The following PTPRD variants were observed in gnomAD, a reference collection of about 807,000 sequenced individuals.
The protein encoded by PTPRD is protein tyrosine phosphatase receptor type D, also known as receptor-type tyrosine-protein phosphatase delta.
In PTPRD, 34 loss-of-function variants were observed where a neutral mutation model predicts 214.5. The ratio of observed to expected loss-of-function variants is 0.16; its 90% CI spans 0.12 to 0.21. The LOEUF is 0.21. PTPRD is among the 10% of genes least tolerant of loss of function. The pLI is 1.00. For missense variants in PTPRD, 2,545 were observed against 2,398.7 expected (o/e 1.06, Z -1.27); for synonymous variants, 1,128 against 845.7 (o/e 1.33, Z -5.79).
At chr9:9,504,610 G>A (rs759679543) in intron 8 of PTPRD, among the ~76,000 whole-genome samples, 14 of 151,600 alleles carry the variant, frequency 9.2e-5, no homozygotes, top group Non-Finnish European at 1.3e-4. Context: ...AGATGCCTAC[G>A]CTCACCATTT....
intron 8 of PTPRD, among the ~76,000 whole-genome samples, chr9:9,406,876 C>T (rs909014332): frequency 6.7e-5 from 10 of 148,306 alleles, no homozygotes; most frequent in East Asian, 2.0e-4. Flanking sequence ...ATGTGTCTTC[C>T]GTAGAAAAGG....
intron 3 of PTPRD, among the ~76,000 whole-genome samples, chr9:10,185,460 T>G (rs2154313316): frequency 6.6e-6 from 1 of 152,294 alleles, no homozygotes; most frequent in East Asian, 1.9e-4. Context: ...TCTTTCCTCC[T>G]TTGTGGTAAA....
intron 3 of PTPRD, among the ~76,000 whole-genome samples, chr9:10,115,635 C>T (rs1053840904): frequency 8.3e-6 from 1 of 120,134 alleles, no homozygotes; most frequent in Non-Finnish European, 2.0e-5. Flanking sequence ...TTTGTTAAAA[C>T]TTTACAAGTT....
rs1370956859 is a variant in PTPRD, at chr9:9,691,498, G to T, written c.-287+43035C>A. Reference sequence around the variant, plus strand: ...TTTTATGGCTGAATAGTACTCCATTGTGTGGAAGTGCTATGTGTTCTTTAT... The same window carrying T: ...TTTTATGGCTGAATAGTACTCCATTTTGTGGAAGTGCTATGTGTTCTTTAT... On this transcript the variant is annotated intron_variant, in intron 7 of 45. Coordinates refer to ENST00000381196, the MANE Select transcript of PTPRD (RefSeq NM_002839.4). 3.3e-5 allele frequency among the ~76,000 whole-genome samples: 5 copies of T among 152,002 alleles called. No homozygotes were observed. The East Asian group carries it at 7.7e-4, about 23-fold the overall frequency.
chr9:9,653,348 CAAAAAAAAAAAAAAAAA>C (rs1175875551), intron 7 of PTPRD, among the ~76,000 whole-genome samples: 63 of 32,506 alleles, frequency 1.9e-3, no homozygotes, highest in African/African-American at 4.6e-3. Flanking sequence ...GACTCCGTCT[CAAAAAAAAAAAAAAAAA>C]AAAAAAAAAA....
intron 2 of PTPRD, among the ~76,000 whole-genome samples, chr9:10,407,623 T>C (rs1392722863): frequency 6.6e-6 from 1 of 151,494 alleles, no homozygotes; most frequent in Admixed American, 6.6e-5. Context: ...TTCCCAGTGA[T>C]TTGGCCAATA....
At chr9:10,447,989 T>C (rs950435891) in intron 2 of PTPRD, among the ~76,000 whole-genome samples, 2 of 151,668 alleles carry the variant, frequency 1.3e-5, no homozygotes, top group Admixed American at 1.3e-4. Context: ...TTATAATCAC[T>C]GTGTGTGAGT....
chr9:9,390,765 G>T (rs1007728), intron 9 of PTPRD, among the ~76,000 whole-genome samples: 40,304 of 151,982 alleles, frequency 0.27, 5,480 homozygotes, highest in Middle Eastern at 0.3. Context: ...TTCCTCACTT[G>T]GTCAAGCAGT....
At chr9:10,268,194 G>A (rs2094196675) in intron 3 of PTPRD, among the ~76,000 whole-genome samples, 1 of 149,222 alleles carries the variant, frequency 6.7e-6, no homozygotes, top group African/African-American at 2.5e-5. Context: ...GGAGGCTGAT[G>A]CTGGAGAATC....
intron 11 of PTPRD, among the ~76,000 whole-genome samples, chr9:8,818,555 A>C (rs2096970846): frequency 6.6e-6 from 1 of 152,230 alleles, no homozygotes; most frequent in African/African-American, 2.4e-5. Context: ...TTTACAGATT[A>C]AAACACTGAG....
intron 3 of PTPRD, among the ~76,000 whole-genome samples, chr9:10,208,898 C>T (rs1327668566): frequency 6.6e-6 from 1 of 152,118 alleles, no homozygotes; most frequent in Non-Finnish European, 1.5e-5. Flanking sequence ...AGCTTTTATC[C>T]TACCGGACCA....
intron 7 of PTPRD, among the ~76,000 whole-genome samples, chr9:9,706,914 A>C (rs929423335): frequency 6.6e-6 from 1 of 152,230 alleles, no homozygotes. Flanking sequence ...GCAATTGAAA[A>C]GTCTGAAAAA....
intron 2 of PTPRD, among the ~76,000 whole-genome samples, chr9:10,572,095 T>C (rs1201963230): frequency 1.3e-5 from 2 of 152,142 alleles, no homozygotes; most frequent in Non-Finnish European, 2.9e-5. Context: ...TTGAACTCCA[T>C]AAGGCCACGA....
At chr9:9,210,888 G>C (rs1020611712) in intron 9 of PTPRD, among the ~76,000 whole-genome samples, 10 of 150,764 alleles carry the variant, frequency 6.6e-5, no homozygotes, top group Non-Finnish European at 1.5e-4. Flanking sequence ...ATAGAAACCA[G>C]GCTTTTAAAA....
intron 33 of PTPRD, among the ~76,000 whole-genome samples, chr9:8,458,619 G>A (rs1386632199): frequency 6.6e-6 from 1 of 152,010 alleles, no homozygotes; most frequent in African/African-American, 2.4e-5. Flanking sequence ...AAAGTGCAGC[G>A]TACAGACAGC....
At chr9:9,573,739 G>C (rs2087376020) in intron 8 of PTPRD, among the ~76,000 whole-genome samples, 1 of 151,738 alleles carries the variant, frequency 6.6e-6, no homozygotes, top group Admixed American at 6.6e-5. Context: ...TCCTGGTAGA[G>C]CAGAGGAATT....
chr9:8,331,979 G>A (rs1220990620), intron 43 of PTPRD, among the ~76,000 whole-genome samples: 1 of 150,644 alleles, frequency 6.6e-6, no homozygotes, highest in African/African-American at 2.5e-5. Flanking sequence ...CTCTTGCAGT[G>A]CCCAGTTAAA....
intron 4 of PTPRD, among the ~76,000 whole-genome samples, chr9:9,990,603 C>T (rs1247806191): frequency 6.6e-6 from 1 of 152,208 alleles, no homozygotes; most frequent in Non-Finnish European, 1.5e-5. Flanking sequence ...ACACAATCAG[C>T]TGGAAATGTA....
At position 8,317,111 on chromosome 9, in the gene PTPRD, T is replaced by A. The variant is rs1822433952; in HGVS notation, c.*763A>T. 1 of 229,732 alleles carries A rather than the reference T, an allele frequency of 4.4e-6. No homozygotes were observed. The highest frequency in any genetic ancestry group is 8.6e-6 in the Non-Finnish European group (1 of 116,548). 14.2% of individuals were successfully genotyped at this position (229,732 alleles called of 1,614,324 possible). ...ACCAATCAAAACTGAAGTGTAAAAT[T>A]AATATATCTGACGAGACTGATACTG... On this transcript the variant is annotated 3_prime_UTR_variant, in exon 46 of 46. Transcript: ENST00000381196.
Sources: allele counts gnomAD v4.1 joint callset (sites outside exome capture counted in the v4.1 genomes callset), GRCh38; gene constraint gnomAD v4.1.1; transcripts MANE v1.5; gene names NCBI Gene and HGNC (gene_info 2026-07-23, HGNC 2026-07-21).